The following SLC25A25 variants were observed in gnomAD, a reference collection of about 807,000 sequenced individuals.
The protein encoded by SLC25A25 is solute carrier family 25 member 25, also known as mitochondrial adenyl nucleotide antiporter SLC25A25.
In SLC25A25, 32 loss-of-function variants were observed where a neutral mutation model predicts 57.7. The observed-to-expected ratio is 0.55, with a 90% CI of 0.42 to 0.74. The LOEUF is 0.74. Ranked by LOEUF, SLC25A25 falls within the 30% of genes least tolerant of loss-of-function variation. The pLI is 0.00. For synonymous variants in SLC25A25, 306 were observed against 291.2 expected (o/e 1.05, Z -0.52); for missense variants, 556 against 701.3 (o/e 0.79, Z 2.34).
At position 128,068,370 on chromosome 9, in the gene SLC25A25, C is replaced by A; in HGVS notation, c.51C>A (p.Ala17=). 1 of 1,544,090 alleles carries A rather than the reference C, an allele frequency of 6.5e-7. No individual in the cohort carries two copies. Among genetic ancestry groups the A allele is most frequent in the Non-Finnish European group, 8.7e-7 (1 of 1,153,882 alleles). ...CRCVASPPPD[A]AATAASSSAS... is the part of the protein sequence containing the mutation. The stretch of plus-strand genomic sequence containing the variant: ...GTGTGGCCTCCCCGCCGCCGGACGC[C>A]GCCGCCACCGCCGCCTCTTCGTCTG... The change falls in exon 1 of 11, where the codon GCC becomes GCA. Residue 17 remains alanine, a synonymous_variant. Coordinates refer to ENST00000373069, the MANE Select transcript of SLC25A25 (RefSeq NM_001330988.2).
At chr9:128,076,913 C>A (rs1024580436) in intron 1 of SLC25A25, among the ~76,000 whole-genome samples, 1 of 152,184 alleles carries the variant, frequency 6.6e-6, no homozygotes, top group Non-Finnish European at 1.5e-5. Flanking sequence ...GCATCCTTCG[C>A]AGATGGTCAT....
intron 1 of SLC25A25, among the ~76,000 whole-genome samples, chr9:128,073,042 C>A (rs1182263888): frequency 6.6e-6 from 1 of 152,086 alleles, no homozygotes; most frequent in Non-Finnish European, 1.5e-5. Flanking sequence ...TTGAGCCCCA[C>A]AAAAATTTGT....
chr9:128,083,201 C>T (rs12348876), intron 1 of SLC25A25, among the ~76,000 whole-genome samples: 110,150 of 148,588 alleles, frequency 0.74, 42,646 homozygotes, highest in Non-Finnish European at 0.85. Flanking sequence ...GCACTCCAGC[C>T]TAGGTGACAG....
At chr9:128,083,841 G>A (rs1165782500) in intron 1 of SLC25A25, among the ~76,000 whole-genome samples, 2 of 151,976 alleles carry the variant, frequency 1.3e-5, no homozygotes, top group African/African-American at 4.8e-5. Flanking sequence ...TCTAAGATAG[G>A]TACTAGGCAG....
intron 1 of SLC25A25, among the ~76,000 whole-genome samples, chr9:128,071,088 G>A (rs1832898943): frequency 6.6e-6 from 1 of 152,224 alleles, no homozygotes; most frequent in African/African-American, 2.4e-5. Flanking sequence ...CTGGCTGCGG[G>A]AGCATGTTAA....
Position 128,102,248 on chromosome 9 carries a change from C to A in SLC25A25, c.513-122C>A. The A allele has an allele frequency of 7.1e-7, 1 of 1,400,644 alleles. No individual in the cohort carries two copies. The highest frequency in any genetic ancestry group is 9.9e-7 in the Non-Finnish European group (1 of 1,009,292). 86.8% of individuals were successfully genotyped at this position (1,400,644 alleles called of 1,614,324 possible). A position where few individuals can be genotyped will look rare whatever the true frequency, so the allele number is the denominator to read the frequency against. ...AGCCCCCTGCTCTTTCTCCTGGGGG[C>A]AGAGGCACCTCGTGTGGTTTCTGGG... On this transcript the variant is annotated intron_variant, in intron 4 of 10. Transcript: ENST00000373069. This position sits in a 1 kb window ranked among gnomAD's most constrained non-coding sequence, Gnocchi z 4.1.
intron 6 of SLC25A25, among the ~76,000 whole-genome samples, chr9:128,105,158 CTTTTTTTT>C (rs11351573): frequency 1.4e-4 from 4 of 29,176 alleles, no homozygotes; most frequent in East Asian, 1.2e-3. Flanking sequence ...CACTCCCGGC[CTTTTTTTT>C]TTTTTTTTTT....
intron 1 of SLC25A25, among the ~76,000 whole-genome samples, chr9:128,070,485 C>A (rs1376255570): frequency 1.3e-5 from 2 of 151,568 alleles, no homozygotes; most frequent in African/African-American, 4.8e-5. Context: ...AGGTGATCCA[C>A]CTGCCTCGGC....
intron 1 of SLC25A25, among the ~76,000 whole-genome samples, chr9:128,071,451 A>C (rs2130780881): frequency 6.6e-6 from 1 of 152,252 alleles, no homozygotes; most frequent in East Asian, 1.9e-4. Context: ...TTTGTTGCCC[A>C]AGCAGGAGTG....
In SLC25A25 at chr9:128,099,126, G is replaced by A; in HGVS notation, c.262-1970G>A. ...GGAGCTGCCCGTCCCTGGTGTGGGG[G>A]TGAGGGAGCCTCCCGCCTTCTCGAC... On this transcript the variant is annotated intron_variant, in intron 1 of 10. Transcript: ENST00000373069. The surrounding 1 kb of genome is among the most constrained non-coding windows in gnomAD (Gnocchi z 6.8). The A allele has an allele frequency of 8.3e-7, 1 of 1,211,082 alleles. No homozygotes were observed. The highest frequency in any genetic ancestry group is 1.0e-6 in the Non-Finnish European group (1 of 953,156). 75.0% of individuals were successfully genotyped at this position (1,211,082 alleles called of 1,614,324 possible). A position where few individuals can be genotyped will look rare whatever the true frequency, so the allele number is the denominator to read the frequency against.
rs747828767 is a variant in SLC25A25 at position 128,098,552 on chromosome 9, C to T, written c.262-2544C>T. On this transcript the variant is annotated intron_variant, in intron 1 of 10. Transcript: ENST00000373069. ...CCGGTGGTGAGGGCAGTGGAGCACC[C>T]AGCAGGCCGCCAACATGCTCTGTCT... 6 of 1,607,220 alleles carry T rather than the reference C, an allele frequency of 3.7e-6. No homozygotes were observed. In the South Asian group the frequency reaches 6.6e-5, roughly 18 times the overall value.
chr9:128,072,748 A>G lies in SLC25A25; in HGVS notation c.261+4168A>G, dbSNP rs72754878. Among the ~76,000 whole-genome samples, 692 of 152,378 alleles carry G rather than the reference A, an allele frequency of 4.5e-3. 5 individuals are homozygous for G. The highest frequency in any genetic ancestry group is 0.041 in the Middle Eastern group (12 of 294). ...AAGAAAGAAAAAAGATGACGACAAC[A>G]GTAGTGACTTTGGGAGATGAGACTC... is the stretch of plus-strand genomic sequence containing the variant. On this transcript the variant is annotated intron_variant, in intron 1 of 10. Transcript: ENST00000373069.
In SLC25A25 at chr9:128,101,438, G is replaced by T; in HGVS notation, c.476+42G>T. ...CCTCTGTGTTTGGTTTAAGTGTGAT[G>T]AAGGGAAGGCTCTGAGACTAACCCT... On this transcript the variant is annotated intron_variant, in intron 3 of 10. Transcript: ENST00000373069. This position sits in a 1 kb window ranked among gnomAD's most constrained non-coding sequence, Gnocchi z 4.9. 6.2e-7 allele frequency: 1 copy of T among 1,602,128 alleles called. No individual in the cohort carries two copies. The highest frequency in any genetic ancestry group is 8.5e-7 in the Non-Finnish European group (1 of 1,170,892).
chr9:128,076,765 G>T (rs777609095), intron 1 of SLC25A25, among the ~76,000 whole-genome samples: 36 of 152,160 alleles, frequency 2.4e-4, no homozygotes, highest in Non-Finnish European at 1.9e-4. Context: ...ACCACACCCG[G>T]CCCTAACTTT....
At position 128,099,182 on chromosome 9, in the gene SLC25A25, G is replaced by A. The variant is rs1833685305; in HGVS notation, c.262-1914G>A. The A allele has an allele frequency of 7.1e-6, 9 of 1,262,990 alleles. No homozygotes were observed. In the South Asian group the frequency reaches 1.0e-4, roughly 15 times the overall value. The allele number at this position is 1,262,990 out of a possible 1,614,324, so 78.2% of individuals were successfully genotyped here. A position where few individuals can be genotyped will look rare whatever the true frequency, so the allele number is the denominator to read the frequency against. On this transcript the variant is annotated intron_variant, in intron 1 of 10. Transcript: ENST00000373069. This position sits in a 1 kb window ranked among gnomAD's most constrained non-coding sequence, Gnocchi z 6.8. Reference sequence around the variant, plus strand: ...GACATCGCTGTGGAACAGGGCCTGTGTCTGCCCTGAAAGTGAGGAAGCCGA... The same window carrying A: ...GACATCGCTGTGGAACAGGGCCTGTATCTGCCCTGAAAGTGAGGAAGCCGA...
Position 128,091,561 on chromosome 9 carries a change from T to TTTA in SLC25A25, c.262-9535_262-9534insTTA, listed in dbSNP as rs367933740. 5 of 958,736 alleles carry TTTA rather than the reference T, an allele frequency of 5.2e-6. No homozygotes were observed. The African/African-American group carries it at 7.2e-5, about 14-fold the overall frequency. 59.4% of individuals were successfully genotyped at this position (958,736 alleles called of 1,614,324 possible). On this transcript the variant is annotated intron_variant, in intron 1 of 10. Transcript: ENST00000373069. ...TTTTCCTTTTCTTTTTTTTTTTTTT[T>TTTA]AAAAAAAAGCCAAACGTTTGCTCAC...
Position 128,095,630 on chromosome 9 carries a change from A to T in SLC25A25, c.262-5466A>T, listed in dbSNP as rs1480235032. On this transcript the variant is annotated intron_variant, in intron 1 of 10. Transcript: ENST00000373069. The surrounding 1 kb of genome is among the most constrained non-coding windows in gnomAD (Gnocchi z 4.4). ...AAGACATTCCATGAGACTCAGTCACAGCAGCAAATAAGTTAGAACCCTTTT... is the reference window on the plus strand; with the variant it reads ...AAGACATTCCATGAGACTCAGTCACTGCAGCAAATAAGTTAGAACCCTTTT... Among the ~76,000 whole-genome samples the T allele has an allele frequency of 6.6e-6, 1 of 152,226 alleles. No individual in the cohort carries two copies. Among genetic ancestry groups the T allele is most frequent in the Non-Finnish European group, 1.5e-5 (1 of 68,038 alleles).
intron 6 of SLC25A25, among the ~76,000 whole-genome samples, chr9:128,105,226 A>G (rs977318842): frequency 1.6e-5 from 2 of 125,234 alleles, no homozygotes; most frequent in Non-Finnish European, 3.1e-5. Context: ...GCTGGAGTAC[A>G]GGGGCGCGAT....
At chr9:128,106,332 C>A in intron 8 of SLC25A25, 21 bp from the exon 9 acceptor site, 2 of 1,613,708 alleles carry the variant, frequency 1.2e-6, no homozygotes, top group Non-Finnish European at 1.7e-6. Flanking sequence ...GCTCACGCGT[C>A]CCGCTGCTCC....
Sources: allele counts gnomAD v4.1 joint callset (sites outside exome capture counted in the v4.1 genomes callset), GRCh38; gene constraint gnomAD v4.1.1; non-coding constraint Gnocchi (gnomAD v3.1); transcripts MANE v1.5; gene names NCBI Gene and HGNC (gene_info 2026-07-23, HGNC 2026-07-21).